Variants in CNTN5 observed in about 807,000 individuals in gnomAD.
CNTN5 encodes contactin 5.
Under a neutral mutation model 129.1 loss-of-function variants are expected in CNTN5, and 77 were observed. That is an observed-to-expected ratio of 0.60 (90% CI 0.50 to 0.72). The LOEUF (loss-of-function observed/expected upper bound fraction) is 0.72. Ranked by LOEUF, CNTN5 falls within the 30% of genes least tolerant of loss-of-function variation. The probability of loss-of-function intolerance (pLI) is 0.00; values close to 1 mark genes in which losing one functional copy is unlikely to be tolerated. For synonymous variants in CNTN5, 509 were observed against 465.6 expected (o/e 1.09, Z -1.20); for missense variants, 1,478 against 1,328.8 (o/e 1.11, Z -1.75).
At chr11:100,075,603 G>C (rs986516554) in intron 13 of CNTN5, among the ~76,000 whole-genome samples, 1 of 152,168 alleles carries the variant, frequency 6.6e-6, no homozygotes, top group Non-Finnish European at 1.5e-5. Context: ...TATAGACTGA[G>C]AGGGGAAATC....
rs369986219 is a variant in CNTN5 at position 100,060,732 on chromosome 11, C to A, written c.981-480C>A. The stretch of plus-strand genomic sequence containing the variant: ...TCGGCTCACTGCAACCTCCGCTTTC[C>A]GGTTTCAAGCGATTCTCCTGCCTCA... On this transcript the variant is annotated intron_variant, in intron 9 of 24. Transcript: ENST00000524871. Among the ~76,000 whole-genome samples the A allele has an allele frequency of 2.7e-5, 4 of 149,722 alleles. No individual in the cohort carries two copies. The East Asian group carries it at 7.9e-4, about 30-fold the overall frequency.
intron 13 of CNTN5, among the ~76,000 whole-genome samples, chr11:100,110,392 T>C (rs1161712065): frequency 1.3e-5 from 2 of 152,044 alleles, no homozygotes; most frequent in South Asian, 2.1e-4. Context: ...AGAAATTCTA[T>C]CCAAGTTGAT....
chr11:99,923,854 C>G (rs1312449651), intron 7 of CNTN5, among the ~76,000 whole-genome samples: 8 of 152,150 alleles, frequency 5.3e-5, no homozygotes. Flanking sequence ...GTGGCATGAT[C>G]TCAGCTCACT....
intron 2 of CNTN5, among the ~76,000 whole-genome samples, chr11:99,469,264 A>G (rs962825412): frequency 1.3e-5 from 2 of 152,108 alleles, no homozygotes; most frequent in African/African-American, 4.8e-5. Flanking sequence ...CATATTCCCA[A>G]TTAATTGAGC....
At chr11:99,169,563 C>A (rs1409134587) in intron 1 of CNTN5, among the ~76,000 whole-genome samples, 1 of 152,030 alleles carries the variant, frequency 6.6e-6, no homozygotes, top group Non-Finnish European at 1.5e-5. Flanking sequence ...ATGATCCTTA[C>A]AAGTATTTGA....
At chr11:99,919,625 C>T (rs954334790) in intron 7 of CNTN5, among the ~76,000 whole-genome samples, 5 of 152,144 alleles carry the variant, frequency 3.3e-5, no homozygotes, top group South Asian at 2.1e-4. Context: ...ATAAAATTCA[C>T]GCATTTTAAG....
intron 1 of CNTN5, among the ~76,000 whole-genome samples, chr11:99,205,932 G>A (rs1167823505): frequency 3.3e-5 from 5 of 151,996 alleles, no homozygotes; most frequent in East Asian, 3.9e-4. Context: ...TGATAGTTTC[G>A]CTGGTGATAG....
chr11:99,346,435 T>C (rs1937877311), intron 2 of CNTN5, among the ~76,000 whole-genome samples: 1 of 152,202 alleles, frequency 6.6e-6, no homozygotes, highest in East Asian at 1.9e-4. Flanking sequence ...TCCTCAGGCC[T>C]GGTGGCCCTT....
At chr11:99,769,630 A>T (rs527727584) in intron 3 of CNTN5, among the ~76,000 whole-genome samples, 1 of 152,170 alleles carries the variant, frequency 6.6e-6, no homozygotes, top group African/African-American at 2.4e-5. Flanking sequence ...TGAGCTGAAG[A>T]GTTGGAGAGC....
At chr11:100,053,832 A>G (rs964684765) in intron 9 of CNTN5, among the ~76,000 whole-genome samples, 1 of 151,834 alleles carries the variant, frequency 6.6e-6, no homozygotes, top group African/African-American at 2.4e-5. Context: ...GCGTCTGGAT[A>G]AACAAACTGT....
At chr11:99,678,486 G>A (rs561369719) in intron 3 of CNTN5, among the ~76,000 whole-genome samples, 4 of 152,094 alleles carry the variant, frequency 2.6e-5, no homozygotes, top group South Asian at 4.2e-4. Context: ...GAATGCGAAC[G>A]GGAAACATAT....
intron 1 of CNTN5, among the ~76,000 whole-genome samples, chr11:99,252,364 A>C (rs12294323): frequency 1.3e-5 from 2 of 151,894 alleles, no homozygotes; most frequent in South Asian, 2.1e-4. Context: ...ACACAAAAAA[A>C]CCCCAAAATC....
intron 3 of CNTN5, among the ~76,000 whole-genome samples, chr11:99,811,480 T>TTA (rs1946426743): frequency 6.7e-6 from 1 of 148,334 alleles, no homozygotes; most frequent in Non-Finnish European, 1.5e-5. Context: ...TATTTTAATA[T>TTA]TATAACTATT....
At chr11:99,818,262 C>CTTT (rs71463595) in intron 3 of CNTN5, among the ~76,000 whole-genome samples, 1 of 147,326 alleles carries the variant, frequency 6.8e-6, no homozygotes, top group South Asian at 2.1e-4. Context: ...ACAAAACTAC[C>CTTT]TTTTTTTTTT....
intron 3 of CNTN5, among the ~76,000 whole-genome samples, chr11:99,614,851 G>A (rs1950709343): frequency 6.6e-6 from 1 of 151,902 alleles, no homozygotes; most frequent in South Asian, 2.1e-4. Flanking sequence ...CTATAAAGAA[G>A]TATCCCCTTT....
In CNTN5 at chr11:99,930,796, AACACAC is replaced by A. The variant is rs59103010; in HGVS notation, c.673+14665_673+14670del. Among the ~76,000 whole-genome samples the A allele has an allele frequency of 2.8e-4, 42 of 149,456 alleles. 1 individual carries two copies. The highest frequency in any genetic ancestry group is 2.2e-4 in the African/African-American group (9 of 40,490). On this transcript the variant is annotated intron_variant, in intron 7 of 24. Transcript: ENST00000524871. Reference sequence around the variant, plus strand: ...AGATAAAAATAAACACATACACACAAACACACACACACACACACACACATTTTAGTA... The same window carrying A: ...AGATAAAAATAAACACATACACACAAACACACACACACACACATTTTAGTA...
intron 1 of CNTN5, among the ~76,000 whole-genome samples, chr11:99,295,816 C>T (rs1482062125): frequency 2.8e-5 from 4 of 142,362 alleles, no homozygotes; most frequent in East Asian, 4.2e-4. Context: ...GCAGAGCTTG[C>T]AGTGAGCCGA....
intron 18 of CNTN5, among the ~76,000 whole-genome samples, chr11:100,287,330 G>T (rs1233477111): frequency 6.6e-6 from 1 of 150,924 alleles, no homozygotes; most frequent in Non-Finnish European, 1.5e-5. Flanking sequence ...TTGAAATGAA[G>T]GAAAAAATGT....
chr11:99,671,212 G>T (rs1353059183), intron 3 of CNTN5, among the ~76,000 whole-genome samples: 2 of 150,302 alleles, frequency 1.3e-5, no homozygotes, highest in African/African-American at 2.4e-5. Flanking sequence ...TTTTTACTTA[G>T]CTGCCTTTCC....
Sources: allele counts gnomAD v4.1 joint callset (sites outside exome capture counted in the v4.1 genomes callset), GRCh38; gene constraint gnomAD v4.1.1; transcripts MANE v1.5; gene names NCBI Gene and HGNC (gene_info 2026-07-23, HGNC 2026-07-21).